SGK3: variants seen among roughly 807,000 people sequenced by gnomAD.
SGK3 encodes the protein serine/threonine-protein kinase Sgk3.
In SGK3, 47 loss-of-function variants were observed where a neutral mutation model predicts 68.5. The ratio of observed to expected loss-of-function variants is 0.69; its 90% CI spans 0.54 to 0.87. The LOEUF is 0.87. SGK3 is among the 40% of genes least tolerant of loss of function. The probability of loss-of-function intolerance (pLI) is 0.00; values close to 1 mark genes in which losing one functional copy is unlikely to be tolerated. For synonymous variants in SGK3, 181 were observed against 189.1 expected (o/e 0.96, Z 0.35); for missense variants, 479 against 575.5 (o/e 0.83, Z 1.72).
chr8:66,772,421 GTC>G (rs923425663), intron 1 of SGK3, among the ~76,000 whole-genome samples: 23 of 148,796 alleles, frequency 1.5e-4, no homozygotes, highest in Middle Eastern at 7.1e-3. Flanking sequence ...TTGAGGCAGG[GTC>G]TCTCTCTGTC....
chr8:66,747,596 C>T (rs986972438), intron 1 of SGK3, among the ~76,000 whole-genome samples: 4 of 152,098 alleles, frequency 2.6e-5, no homozygotes, highest in Admixed American at 2.6e-4. Flanking sequence ...CTCACTTTGC[C>T]ACTCAGGCGA....
chr8:66,751,756 T>TTATA (rs1213859318), intron 1 of SGK3, among the ~76,000 whole-genome samples: 2 of 151,194 alleles, frequency 1.3e-5, no homozygotes, highest in Non-Finnish European at 2.9e-5. Flanking sequence ...ATTTATTTAT[T>TTATA]TATTTATTTA....
chr8:66,782,189 G>T (rs1807015558), intron 1 of SGK3, among the ~76,000 whole-genome samples: 1 of 152,170 alleles, frequency 6.6e-6, no homozygotes, highest in Non-Finnish European at 1.5e-5. Context: ...CTGGGAAGGT[G>T]CTTTTAATGT....
intron 1 of SGK3, chr8:66,737,455 C>T (rs1013028621): frequency 6.6e-6 from 1 of 152,052 alleles, no homozygotes; most frequent in Non-Finnish European, 1.5e-5. Flanking sequence ...TAAGCCCATT[C>T]CCCCAACATT....
chr8:66,782,657 G>T (rs745391928), intron 1 of SGK3, among the ~76,000 whole-genome samples: 4 of 152,154 alleles, frequency 2.6e-5, no homozygotes, highest in African/African-American at 4.8e-5. Flanking sequence ...CCAGCCCCTG[G>T]CAGCTGCTGA....
rs78478990 is a variant in SGK3, at chr8:66,850,237, T to A, written c.1231-594T>A. ...ACCTCTGGTGAGATACCACTTTCTC[T>A]AAGAAGTCTTTTTTAACCCACCAAA... On this transcript the variant is annotated intron_variant, in intron 15 of 16. Transcript: ENST00000521198. Among the ~76,000 whole-genome samples, 1,271 of 152,352 alleles carry A rather than the reference T, an allele frequency of 8.3e-3. 49 individuals are homozygous for A. The highest frequency in any genetic ancestry group is 0.067 in the East Asian group (345 of 5,178).
chr8:66,785,791 T>C (rs1807174328), intron 1 of SGK3, among the ~76,000 whole-genome samples: 1 of 152,216 alleles, frequency 6.6e-6, no homozygotes, highest in Non-Finnish European at 1.5e-5. Flanking sequence ...ATTCATGAGT[T>C]GAAGAGTAAG....
chr8:66,744,483 GTATATATATATATATATATA>G (rs869176585), intron 1 of SGK3, among the ~76,000 whole-genome samples: 2 of 40,746 alleles, frequency 4.9e-5, no homozygotes, highest in Admixed American at 4.0e-4. Flanking sequence ...GTGTGTGTGT[GTATATATATATATATATATA>G]TATATATATA....
intron 4 of SGK3, 80 bp downstream of exon 4, chr8:66,804,527 A>AG: frequency 7.2e-7 from 1 of 1,389,118 alleles, no homozygotes. Context: ...ATTGCACTGT[A>AG]TAGCAGTGCA....
intron 1 of SGK3, among the ~76,000 whole-genome samples, chr8:66,731,800 C>G (rs938415586): frequency 6.6e-6 from 1 of 152,178 alleles, no homozygotes; most frequent in Non-Finnish European, 1.5e-5. Context: ...TCCCAAAGTG[C>G]TGGGATTACA....
intron 1 of SGK3, among the ~76,000 whole-genome samples, chr8:66,784,103 A>G (rs1453233628): frequency 6.6e-6 from 1 of 151,530 alleles, no homozygotes; most frequent in East Asian, 2.0e-4. Context: ...CTCTCACTAT[A>G]TTTCCCAGGC....
At chr8:66,767,607 C>A in intron 1 of SGK3, 1 of 1,367,330 alleles carries the variant, frequency 7.3e-7, no homozygotes, top group Non-Finnish European at 1.0e-6. Context: ...CAATCTGGTG[C>A]TCTTCAGGCA....
At chr8:66,771,601 G>C (rs769255479) in intron 1 of SGK3, among the ~76,000 whole-genome samples, 1 of 152,148 alleles carries the variant, frequency 6.6e-6, no homozygotes, top group Non-Finnish European at 1.5e-5. Context: ...CCAACTCCAA[G>C]AAATGCTGTG....
chr8:66,839,535 A>ATATG (rs1563654577), intron 10 of SGK3, among the ~76,000 whole-genome samples: 10 of 76,946 alleles, frequency 1.3e-4, no homozygotes, highest in African/African-American at 3.3e-4. Context: ...ATATATATAT[A>ATATG]TATATATATA....
chr8:66,755,178 G>GC (rs1485892561), intron 1 of SGK3, among the ~76,000 whole-genome samples: 3 of 150,038 alleles, frequency 2.0e-5, no homozygotes, highest in Admixed American at 6.7e-5. Context: ...AGAATCATCT[G>GC]AACCCAGGAG....
intron 1 of SGK3, among the ~76,000 whole-genome samples, chr8:66,719,304 GTT>G (rs1586666556): frequency 6.7e-6 from 1 of 148,712 alleles, no homozygotes; most frequent in East Asian, 2.0e-4. Flanking sequence ...TTGTTGTTTT[GTT>G]TTTTCTTTTA....
At position 66,861,870 on chromosome 8, in the gene SGK3, A is replaced by AT. The variant is rs1177875293; in HGVS notation, c.*2295dup. On this transcript the variant is annotated 3_prime_UTR_variant, in exon 17 of 17. Transcript: ENST00000521198. ...AATAAAAATTCTAGTTTCTTGTATGATTTTTTGTACTCATTCATTCCTGTT... is the reference window on the plus strand; with the variant it reads ...AATAAAAATTCTAGTTTCTTGTATGATTTTTTTGTACTCATTCATTCCTGTT... 9.9e-5 allele frequency: 15 copies of AT among 152,152 alleles called. No homozygotes were observed. The highest frequency in any genetic ancestry group is 3.4e-4 in the African/African-American group (14 of 41,436). 9.4% of individuals were successfully genotyped at this position (152,152 alleles called of 1,614,324 possible).
chr8:66,775,635 A>C (rs922842029), intron 1 of SGK3: 2 of 152,314 alleles, frequency 1.3e-5, no homozygotes, highest in Non-Finnish European at 2.9e-5. Flanking sequence ...GAGAAGCCCC[A>C]GGTACTGTCA....
intron 16 of SGK3, among the ~76,000 whole-genome samples, chr8:66,856,070 T>C (rs1237820972): frequency 1.4e-5 from 2 of 145,206 alleles, no homozygotes; most frequent in Non-Finnish European, 3.0e-5. Flanking sequence ...CCTCAACTGT[T>C]CTTTTTTTTT....
Sources: gnomAD v4.1 joint callset for allele counts (sites outside exome capture counted in the v4.1 genomes callset) on GRCh38, gnomAD v4.1.1 for gene constraint, MANE v1.5 for transcripts, NCBI Gene and HGNC (gene_info 2026-07-23, HGNC 2026-07-21) for gene names.